The following PTGR2 variants were observed in gnomAD, a reference collection of about 807,000 sequenced individuals.
PTGR2 encodes the protein 15-oxoprostaglandin 13-reductase.
A neutral mutation model predicts 43.4 loss-of-function variants in PTGR2; 32 were observed. That is an observed-to-expected ratio of 0.74 (90% CI 0.56 to 0.99). The LOEUF (loss-of-function observed/expected upper bound fraction) is 0.99. PTGR2 is among the 50% of genes least tolerant of loss of function. The probability of loss-of-function intolerance (pLI) is 0.00; values close to 1 mark genes in which losing one functional copy is unlikely to be tolerated. For synonymous variants in PTGR2, 106 were observed against 139.2 expected (o/e 0.76, Z 1.68); for missense variants, 373 against 420.0 (o/e 0.89, Z 0.98).
At chr14:73,877,651 G>A (rs1316302293) in intron 5 of PTGR2, 1 of 151,584 alleles carries the variant, frequency 6.6e-6, no homozygotes, top group Non-Finnish European at 1.5e-5. Flanking sequence ...CTTACTAACA[G>A]TATGAAAAAT....
chr14:73,884,029 T>C, intron 9 of PTGR2, 72 bp from the exon 10 acceptor site: 2 of 872,994 alleles, frequency 2.3e-6, no homozygotes, highest in Non-Finnish European at 1.9e-6. Context: ...TAATTTTATA[T>C]GTTGTACCTT....
intron 3 of PTGR2, among the ~76,000 whole-genome samples, chr14:73,871,151 C>T (rs915992194): frequency 1.3e-5 from 2 of 152,058 alleles, no homozygotes; most frequent in African/African-American, 4.8e-5. Flanking sequence ...TCACCAATGG[C>T]CAGTGGTTTA....
chr14:73,868,141 T>A (rs1190778104), intron 3 of PTGR2, among the ~76,000 whole-genome samples: 1 of 151,958 alleles, frequency 6.6e-6, no homozygotes, highest in Non-Finnish European at 1.5e-5. Flanking sequence ...ACAAAAAAAT[T>A]AGCCAGGCGT....
intron 2 of PTGR2, 68 bp from the exon 3 acceptor site, chr14:73,860,471 A>T: frequency 1.4e-6 from 1 of 721,222 alleles, no homozygotes; most frequent in Non-Finnish European, 2.3e-6. Context: ...TGTCTCAAAT[A>T]ATAATAATAA....
At chr14:73,873,727 G>C (rs1595364857) in intron 3 of PTGR2, among the ~76,000 whole-genome samples, 1 of 152,098 alleles carries the variant, frequency 6.6e-6, no homozygotes, top group Non-Finnish European at 1.5e-5. Flanking sequence ...GCCTCCCAAA[G>C]TGCTAGGATT....
chr14:73,878,819 G>A, intron 5 of PTGR2: 1 of 401,974 alleles, frequency 2.5e-6, no homozygotes. Context: ...TTTTTGCTTA[G>A]GATATTTTCA....
rs527321161 is a variant in PTGR2 at position 73,861,340 on chromosome 14, C to T, written c.156+683C>T. On this transcript the variant is annotated intron_variant, in intron 3 of 9. Transcript: ENST00000555661. Reference sequence around the variant, plus strand: ...CAGGGACTTTGGCTCTACGAGCTGGCGTCTTGCTTTACTTCTCCCAGAGGT... The same window carrying T: ...CAGGGACTTTGGCTCTACGAGCTGGTGTCTTGCTTTACTTCTCCCAGAGGT... 1.1e-3 allele frequency: 168 copies of T among 152,294 alleles called. 1 individual carries two copies. The highest frequency in any genetic ancestry group is 0.01 in the Middle Eastern group (3 of 294). The allele number at this position is 152,294 out of a possible 1,614,324, so 9.4% of individuals were successfully genotyped here.
At chr14:73,862,632 C>A (rs1366767663) in intron 3 of PTGR2, among the ~76,000 whole-genome samples, 6 of 152,152 alleles carry the variant, frequency 3.9e-5, no homozygotes, top group Non-Finnish European at 8.8e-5. Context: ...ATGTTAATGT[C>A]CTGCTTTTGA....
intron 3 of PTGR2, among the ~76,000 whole-genome samples, chr14:73,869,132 G>A (rs2054668313): frequency 6.6e-6 from 1 of 152,220 alleles, no homozygotes; most frequent in East Asian, 1.9e-4. Context: ...CCTCAGACTA[G>A]TCCAGACCTC....
intron 7 of PTGR2, 152 bp from the exon 8 acceptor site, chr14:73,881,053 T>C (rs1379151266): frequency 1.6e-5 from 8 of 512,476 alleles, no homozygotes; most frequent in Admixed American, 3.2e-5. Flanking sequence ...CATTTACACC[T>C]GTAACTATGC....
intron 6 of PTGR2, 30 bp from the exon 7 acceptor site, chr14:73,880,025 G>A (rs2054944814): frequency 1.2e-6 from 2 of 1,609,856 alleles, no homozygotes; most frequent in African/African-American, 1.3e-5. Flanking sequence ...ATAGGAAAGG[G>A]ATATTTTATC....
At chr14:73,870,167 TA>T (rs1354188225) in intron 3 of PTGR2, among the ~76,000 whole-genome samples, 2 of 148,824 alleles carry the variant, frequency 1.3e-5, no homozygotes, top group African/African-American at 4.9e-5. Context: ...ACCCCAACTC[TA>T]AAAAATAGAA....
intron 4 of PTGR2, chr14:73,874,664 G>C (rs1401018463): frequency 2.2e-6 from 1 of 454,310 alleles, no homozygotes; most frequent in South Asian, 1.6e-5. Context: ...CTCCCAAAGT[G>C]CTGAGATTAC....
intron 1 of PTGR2, among the ~76,000 whole-genome samples, chr14:73,854,126 A>G (rs1399174580): frequency 3.3e-5 from 5 of 151,852 alleles, no homozygotes; most frequent in Non-Finnish European, 7.4e-5. Flanking sequence ...TTTTGAGACA[A>G]AGTTTCGCTC....
At chr14:73,870,692 T>C (rs953056512) in intron 3 of PTGR2, among the ~76,000 whole-genome samples, 2 of 152,058 alleles carry the variant, frequency 1.3e-5, no homozygotes, top group African/African-American at 2.4e-5. Flanking sequence ...TGTCTTACTG[T>C]GTTGGCCAGT....
chr14:73,878,596 C>T, intron 5 of PTGR2: 1 of 419,400 alleles, frequency 2.4e-6, no homozygotes, highest in Admixed American at 2.8e-5. Context: ...GCTGTAGCTC[C>T]TGGTCAGCCA....
chr14:73,867,761 G>A (rs2054635554), intron 3 of PTGR2, among the ~76,000 whole-genome samples: 1 of 152,172 alleles, frequency 6.6e-6, no homozygotes, highest in Admixed American at 6.5e-5. Context: ...CCATGTCTTA[G>A]TAATTCCAGG....
chr14:73,857,675 T>TTTG (rs1454295309), intron 1 of PTGR2, among the ~76,000 whole-genome samples: 2 of 126,736 alleles, frequency 1.6e-5, no homozygotes, highest in African/African-American at 5.8e-5. Context: ...TTTTTTTTTT[T>TTTG]TTTTTTTTTT....
intron 8 of PTGR2, 149 bp downstream of exon 8, chr14:73,881,441 T>G: frequency 1.9e-6 from 1 of 521,282 alleles, no homozygotes; most frequent in East Asian, 2.9e-5. Flanking sequence ...TAACTCTACC[T>G]CCCAGGTGAG....
Sources: gnomAD v4.1 joint callset for allele counts (sites outside exome capture counted in the v4.1 genomes callset) on GRCh38, gnomAD v4.1.1 for gene constraint, MANE v1.5 for transcripts, NCBI Gene and HGNC (gene_info 2026-07-23, HGNC 2026-07-21) for gene names.